The following SBNO2 variants were observed in gnomAD, a reference collection of about 807,000 sequenced individuals.
SBNO2 encodes the protein protein strawberry notch homolog 2.
A neutral mutation model predicts 146.3 loss-of-function variants in SBNO2; 89 were observed. The ratio of observed to expected loss-of-function variants is 0.61; its 90% confidence interval spans 0.51 to 0.73. SBNO2 has a LOEUF of 0.73. SBNO2 is among the 30% of genes least tolerant of loss of function. The pLI, the probability that SBNO2 is intolerant of heterozygous loss-of-function variation, is 0.00. For synonymous variants in SBNO2, 1,147 were observed against 892.6 expected (o/e 1.29, Z -5.08); for missense variants, 2,092 against 2,003.7 (o/e 1.04, Z -0.84).
chr19:1,123,993 G>C lies in SBNO2; in HGVS notation c.471C>G (p.Gly157=). ...KLFQLSRPFA[G]FEDFLPSHST... ...TGTGGGAGGGCAGAAAGTCCTCGAAGCCTGCAAACGGCCTGCTGAGCTGGA... is the reference window on the plus strand; with the variant it reads ...TGTGGGAGGGCAGAAAGTCCTCGAACCCTGCAAACGGCCTGCTGAGCTGGA... Residue 157 remains glycine, a synonymous_variant, in exon 6 of 32, where the codon GGC becomes GGG. Coordinates refer to ENST00000361757, the MANE Select transcript of SBNO2 (RefSeq NM_014963.3). The C allele has an allele frequency of 6.2e-7, 1 of 1,612,110 alleles. No homozygotes were observed. Among genetic ancestry groups the C allele is most frequent in the Non-Finnish European group, 8.5e-7 (1 of 1,179,428 alleles).
chr19:1,130,478 C>T (rs910139245), intron 4 of SBNO2, among the ~76,000 whole-genome samples: 2 of 151,854 alleles, frequency 1.3e-5, no homozygotes, highest in African/African-American at 2.4e-5. Context: ...GGAGACAGAG[C>T]GAGACCCTAT....
chr19:1,127,786 C>T (rs371953449), intron 4 of SBNO2, 21 bp from the exon 5 acceptor site: 22 of 1,610,436 alleles, frequency 1.4e-5, no homozygotes, highest in Admixed American at 1.7e-5. Context: ...AGGCCAGGCC[C>T]GGTGAGGGTG....
rs2079713408 is a variant in SBNO2, at chr19:1,108,903, G to A, written c.3492C>T (p.His1164=). The A allele has an allele frequency of 1.5e-5, 23 of 1,583,196 alleles. No homozygotes were observed. Among genetic ancestry groups the A allele is most frequent in the Non-Finnish European group, 2.0e-5 (23 of 1,172,218 alleles). The change falls in exon 31 of 32, where the codon CAC becomes CAT. Residue 1164 remains histidine (H), a synonymous_variant. Transcript: ENST00000361757. Reference sequence around the variant, plus strand: ...GCAGCAGCGCGCCGCACAGCATGTAGTGGTGCCGCAGCCGCAGCCCCTGCA... The same window carrying A: ...GCAGCAGCGCGCCGCACAGCATGTAATGGTGCCGCAGCCGCAGCCCCTGCA... ...DCLQGLRLRH[H]YMLCGALLRV...
In SBNO2 at chr19:1,111,035, G is replaced by A. The variant is rs762469840; in HGVS notation, c.2868C>T (p.Cys956=). The A allele has an allele frequency of 1.6e-5, 25 of 1,578,474 alleles. No individual in the cohort carries two copies. In the African/African-American group the frequency reaches 3.2e-4, roughly 20 times the overall value. ...GIGGRESRNG[C]LDVEKDCSIT... Reference sequence around the variant, plus strand: ...GGCACTCACCCTTCTCCACGTCCAGGCAGCCATTCCGGGACTCCCGGCCAC... The same window carrying A: ...GGCACTCACCCTTCTCCACGTCCAGACAGCCATTCCGGGACTCCCGGCCAC... The change falls in exon 25 of 32, where the codon TGC becomes TGT. Residue 956 remains cysteine, a synonymous_variant. Coordinates refer to ENST00000361757, the MANE Select transcript of SBNO2 (RefSeq NM_014963.3).
Position 1,154,191 on chromosome 19 carries a change from G to A in SBNO2, c.86C>T (p.Pro29Leu), listed in dbSNP as rs2080267764. The stretch of plus-strand genomic sequence containing the variant: ...GCCGGGGGTGGGGCTCACCTGCAGG[G>A]GCGGCGGGCTGTACAGGAGGCTGCC... ...PAGSLLYSPP[P>L]LQSAMLHCPY... is the part of the protein sequence containing the mutation. The change falls in exon 2 of 32, where the codon CCC becomes CTC. Residue 29 changes from proline to leucine, a missense_variant. By Grantham distance (98) the Pro-to-Leu change is moderately conservative (BLOSUM62 -3). Transcript: ENST00000361757. 8.1e-7 allele frequency: 1 copy of A among 1,241,922 alleles called. No individual in the cohort carries two copies. The highest frequency in any genetic ancestry group is 1.0e-6 in the Non-Finnish European group (1 of 991,860). 76.9% of individuals were successfully genotyped at this position (1,241,922 alleles called of 1,614,324 possible).
In SBNO2 at chr19:1,114,435, A is replaced by G; in HGVS notation, c.1886-13T>C. 1 of 1,510,524 alleles carries G rather than the reference A, an allele frequency of 6.6e-7. No individual in the cohort carries two copies. The highest frequency in any genetic ancestry group is 2.5e-5 in the East Asian group (1 of 40,220). The allele number at this position is 1,510,524 out of a possible 1,614,324, so 93.6% of individuals were successfully genotyped here. A position where few individuals can be genotyped will look rare whatever the true frequency, so the allele number is the denominator to read the frequency against. Reference sequence around the variant, plus strand: ...CCCCGAGGTCGCCCTGCAGGGAAGGACAGGGTCACCGAGGGCCAGACCGCA... The same window carrying G: ...CCCCGAGGTCGCCCTGCAGGGAAGGGCAGGGTCACCGAGGGCCAGACCGCA... On this transcript the variant is annotated splice_polypyrimidine_tract_variant and intron_variant, in intron 17 of 31. Transcript: ENST00000361757.
At chr19:1,166,282 A>G (rs1339505639) in intron 1 of SBNO2, among the ~76,000 whole-genome samples, 1 of 95,236 alleles carries the variant, frequency 1.1e-5, no homozygotes, top group Non-Finnish European at 2.2e-5. Context: ...GGGAGTGGAA[A>G]GGAGATTCCA....
intron 1 of SBNO2, among the ~76,000 whole-genome samples, chr19:1,172,771 TGCAACCGCCCCCCCCGCCCCG>T (rs1317613011): frequency 2.8e-5 from 2 of 72,316 alleles, no homozygotes; most frequent in Non-Finnish European, 4.8e-5. Flanking sequence ...AAACACTCAC[TGCAACCGCCCCCCCCGCCCCG>T]GCAAACTGGC....
chr19:1,126,398 CG>C lies in SBNO2; in HGVS notation c.441+1205del, dbSNP rs2079966177. 6.6e-6 allele frequency among the ~76,000 whole-genome samples: 1 copy of C among 152,174 alleles called. No individual in the cohort carries two copies. Among genetic ancestry groups the C allele is most frequent in the South Asian group, 2.1e-4 (1 of 4,826 alleles). The stretch of plus-strand genomic sequence containing the variant: ...TGCCCTCGTGCCGGCCACAGCAGGC[CG>C]GTCAGGCCCTGGCTTCTTTCCTCAC... On this transcript the variant is annotated intron_variant, in intron 5 of 31. Transcript: ENST00000361757. The surrounding 1 kb of genome is among the most constrained non-coding windows in gnomAD (Gnocchi z 4.4).
Position 1,112,561 on chromosome 19 carries a change from A to G in SBNO2, c.2380-24T>C. ...AGCTAGGGGGAAAGAAGGGGCCGGG[A>G]CACGGTTGGTGCAAGGCCCGCCCCA... On this transcript the variant is annotated intron_variant, in intron 20 of 31. Coordinates refer to ENST00000361757, the MANE Select transcript of SBNO2 (RefSeq NM_014963.3). This position sits in a 1 kb window ranked among gnomAD's most constrained non-coding sequence, Gnocchi z 5.9. 6.3e-7 allele frequency: 1 copy of G among 1,581,946 alleles called. No homozygotes were observed. Among genetic ancestry groups the G allele is most frequent in the South Asian group, 1.1e-5 (1 of 87,970 alleles).
chr19:1,133,526 C>A (rs1446799721), intron 4 of SBNO2, among the ~76,000 whole-genome samples: 1 of 152,238 alleles, frequency 6.6e-6, no homozygotes, highest in Non-Finnish European at 1.5e-5. Context: ...GGCACCGCAG[C>A]AGCGGAGGCT....
intron 1 of SBNO2, among the ~76,000 whole-genome samples, chr19:1,171,283 C>T (rs529937208): frequency 1.8e-4 from 27 of 152,150 alleles, no homozygotes; most frequent in Non-Finnish European, 2.1e-4. Flanking sequence ...CACGTCCGTA[C>T]GACGCACACA....
chr19:1,113,755 G>A, intron 18 of SBNO2, 51 bp from the exon 19 acceptor site: 3 of 1,418,666 alleles, frequency 2.1e-6, no homozygotes, highest in Admixed American at 6.5e-5. Context: ...GCCTTCTAGG[G>A]CCCACCTAAC....
intron 1 of SBNO2, among the ~76,000 whole-genome samples, chr19:1,160,657 G>A (rs1003004441): frequency 1.3e-5 from 2 of 152,082 alleles, no homozygotes; most frequent in East Asian, 3.9e-4. Context: ...AGCTTCTGGA[G>A]TAACTGGGAT....
chr19:1,129,498 G>A (rs529204043), intron 4 of SBNO2, among the ~76,000 whole-genome samples: 1 of 152,248 alleles, frequency 6.6e-6, no homozygotes, highest in East Asian at 1.9e-4. Context: ...CAGGTAGGGT[G>A]CAGCACCCCC....
intron 11 of SBNO2, among the ~76,000 whole-genome samples, chr19:1,120,391 G>A (rs2079886916): frequency 6.6e-6 from 1 of 152,222 alleles, no homozygotes; most frequent in Non-Finnish European, 1.5e-5. Flanking sequence ...TTTTGAGACA[G>A]GGTCTTGCTC....
chr19:1,147,840 C>A (rs2080208562), intron 3 of SBNO2, among the ~76,000 whole-genome samples: 1 of 152,088 alleles, frequency 6.6e-6, no homozygotes, highest in African/African-American at 2.4e-5. Context: ...GCGCTACGGG[C>A]AGAAACCCAG....
At position 1,111,107 on chromosome 19, in the gene SBNO2, G is replaced by T. The variant is rs376340506; in HGVS notation, c.2810-14C>A. On this transcript the variant is annotated splice_polypyrimidine_tract_variant and intron_variant, in intron 24 of 31. Coordinates refer to ENST00000361757, the MANE Select transcript of SBNO2 (RefSeq NM_014963.3). ...CCTGCTTCATGTCTGCGGGGAGAGGGGCCTCACATGCTGGTCTTCCCACCC... is the reference window on the plus strand; with the variant it reads ...CCTGCTTCATGTCTGCGGGGAGAGGTGCCTCACATGCTGGTCTTCCCACCC... 6.5e-7 allele frequency: 1 copy of T among 1,543,350 alleles called. No homozygotes were observed. Among genetic ancestry groups the T allele is most frequent in the Non-Finnish European group, 8.7e-7 (1 of 1,146,626 alleles).
intron 1 of SBNO2, among the ~76,000 whole-genome samples, chr19:1,166,473 G>A (rs1490145933): frequency 1.2e-4 from 19 of 152,156 alleles, no homozygotes; most frequent in African/African-American, 4.6e-4. Flanking sequence ...CTGCTGTGAG[G>A]AGCCCGCTCG....
Sources: allele counts gnomAD v4.1 joint callset (sites outside exome capture counted in the v4.1 genomes callset), GRCh38; gene constraint gnomAD v4.1.1; non-coding constraint Gnocchi (gnomAD v3.1); transcripts MANE v1.5; gene names NCBI Gene and HGNC (gene_info 2026-07-23, HGNC 2026-07-21).